The following BCAN variants were observed in gnomAD, a reference collection of about 807,000 sequenced individuals.
BCAN encodes brevican, also known as brevican core protein.
In BCAN, 51 loss-of-function variants were observed where a neutral mutation model predicts 92.4. That is an observed-to-expected ratio of 0.55 (90% confidence interval 0.44 to 0.70). The LOEUF (loss-of-function observed/expected upper bound fraction) is 0.70. Among genes scored for constraint, BCAN ranks in the 30% least tolerant of loss-of-function variants. BCAN has a pLI of 0.00. For missense variants in BCAN, 1,140 were observed against 1,212.1 expected (o/e 0.94, Z 0.88); for synonymous variants, 501 against 505.2 (o/e 0.99, Z 0.11).
rs1248125395 is a variant in BCAN, at chr1:156,658,488, C to G, written c.2438-55C>G. 5.1e-6 allele frequency: 8 copies of G among 1,571,972 alleles called. No homozygotes were observed. In the East Asian group the frequency reaches 1.8e-4, roughly 35 times the overall value. On this transcript the variant is annotated intron_variant, in intron 12 of 13. Coordinates refer to ENST00000329117, the MANE Select transcript of BCAN (RefSeq NM_021948.5). This position sits in a 1 kb window ranked among gnomAD's most constrained non-coding sequence, Gnocchi z 4.4. ...CATTTTTCTCTTCCCCATGGAGATT[C>G]TGGGAACTGTCACCCACAGAGCCAG...
At chr1:156,654,277 C>A (rs1286399949) in intron 8 of BCAN, among the ~76,000 whole-genome samples, 2 of 152,130 alleles carry the variant, frequency 1.3e-5, no homozygotes, top group Non-Finnish European at 2.9e-5. Context: ...AGCCCTAGGA[C>A]CCCCATGTTA....
Position 156,652,272 on chromosome 1 carries a change from C to G in BCAN, c.1322C>G (p.Pro441Arg), listed in dbSNP as rs761391980. 4 of 1,602,158 alleles carry G rather than the reference C, an allele frequency of 2.5e-6. No homozygotes were observed. Among genetic ancestry groups the G allele is most frequent in the Non-Finnish European group, 3.4e-6 (4 of 1,174,690 alleles). The change falls in exon 8 of 14, where the codon CCG (proline) becomes CGG (arginine). Residue 441 changes from proline (P) to arginine (R), a missense_variant. Physicochemically the swap from Pro to Arg is moderately radical, Grantham distance 103. Coordinates refer to ENST00000329117, the MANE Select transcript of BCAN (RefSeq NM_021948.5). ...LLEFETQSMV[P>R]PTGFSEEEGK... ...GAATTTGAAACACAATCCATGGTACCGCCCACGGGGTTCTCAGAAGAGGAA... is the reference window on the plus strand; with the variant it reads ...GAATTTGAAACACAATCCATGGTACGGCCCACGGGGTTCTCAGAAGAGGAA...
chr1:156,647,796 G>T lies in BCAN; in HGVS notation c.641+114G>T. 6.5e-7 allele frequency: 1 copy of T among 1,536,014 alleles called. No individual in the cohort carries two copies. The highest frequency in any genetic ancestry group is 1.1e-5 in the South Asian group (1 of 87,038). ...TGGACATGCAGGGCTTTTTGCCTCT[G>T]GGGGATGAGGCTGGTCTGAGGAGGG... On this transcript the variant is annotated intron_variant, in intron 4 of 13. Coordinates refer to ENST00000329117, the MANE Select transcript of BCAN (RefSeq NM_021948.5). This position sits in a 1 kb window ranked among gnomAD's most constrained non-coding sequence, Gnocchi z 4.8.
Position 156,642,944 on chromosome 1 carries a change from T to C in BCAN, c.-9+669T>C, listed in dbSNP as rs1458327381. On this transcript the variant is annotated intron_variant, in intron 1 of 13. Coordinates refer to ENST00000329117, the MANE Select transcript of BCAN (RefSeq NM_021948.5). The surrounding 1 kb of genome is among the most constrained non-coding windows in gnomAD (Gnocchi z 4.2). ...GGCTCAGGTAGACATCAGTAACTAT[T>C]AGCTGGAATTCGGTTACCACTATTG... 1 of 152,226 alleles carries C rather than the reference T, an allele frequency of 6.6e-6. No homozygotes were observed. The highest frequency in any genetic ancestry group is 2.4e-5 in the African/African-American group (1 of 41,456). The allele number at this position is 152,226 out of a possible 1,614,324, so 9.4% of individuals were successfully genotyped here. A position where few individuals can be genotyped will look rare whatever the true frequency, so the allele number is the denominator to read the frequency against.
rs529769580 is a variant in BCAN, at chr1:156,650,096, G to A, written c.1063+1235G>A. Among the ~76,000 whole-genome samples the A allele has an allele frequency of 3.9e-5, 6 of 152,204 alleles. No homozygotes were observed. The South Asian group carries it at 6.2e-4, about 16-fold the overall frequency. On this transcript the variant is annotated intron_variant, in intron 6 of 13. Coordinates refer to ENST00000329117, the MANE Select transcript of BCAN (RefSeq NM_021948.5). ...GAAGTAAAAGTCCATAGGAAGACAG[G>A]TCCATCTGAAAAGACCTCCTGGAAC...
chr1:156,646,271 T>G lies in BCAN; in HGVS notation c.91+126T>G, dbSNP rs541039117. ...TGGGGAAGCGTCCAGGCTGGAACAC[T>G]TGGAAATAAGGGCTGAGCTGTGAGC... On this transcript the variant is annotated intron_variant, in intron 2 of 13. Transcript: ENST00000329117. 2.6e-5 allele frequency: 23 copies of G among 880,686 alleles called. No individual in the cohort carries two copies. In the African/African-American group the frequency reaches 3.0e-4, roughly 12 times the overall value. The allele number at this position is 880,686 out of a possible 1,614,324, so 54.6% of individuals were successfully genotyped here.
rs1553237991 is a variant in BCAN at position 156,646,959 on chromosome 1, C to G, written c.250C>G (p.Arg84Gly). 1 of 1,612,806 alleles carries G rather than the reference C, an allele frequency of 6.2e-7. No individual in the cohort carries two copies. Among genetic ancestry groups the G allele is most frequent in the Non-Finnish European group, 8.5e-7 (1 of 1,179,584 alleles). The change falls in exon 3 of 14, where the codon CGG becomes GGG. Residue 84 changes from arginine to glycine, a missense_variant. Coordinates refer to ENST00000329117, the MANE Select transcript of BCAN (RefSeq NM_021948.5). ...SPRVKWTFLS[R>G]GREAEVLVAR... ...GCGGGTCAAGTGGACTTTCCTGTCC[C>G]GGGGCCGGGAGGCAGAGGTGCTGGT...
At chr1:156,650,982 C>T (rs1236552874) in intron 6 of BCAN, among the ~76,000 whole-genome samples, 1 of 152,162 alleles carries the variant, frequency 6.6e-6, no homozygotes, top group African/African-American at 2.4e-5. Flanking sequence ...ACACCTCACA[C>T]CTTGCCCCAA....
chr1:156,648,262 A>G, intron 5 of BCAN, 152 bp downstream of exon 5: 2 of 1,204,612 alleles, frequency 1.7e-6, no homozygotes, highest in Non-Finnish European at 2.3e-6. Context: ...CTCTCCAAAC[A>G]CTGTCACAGA....
At position 156,647,742 on chromosome 1, in the gene BCAN, T is replaced by C. The variant is rs77894248; in HGVS notation, c.641+60T>C. Reference sequence around the variant, plus strand: ...CCCCTGAGGTGGCCATGGCCCCCCTTCTGCTGGGTGCTGCCTGCTGTGTCA... The same window carrying C: ...CCCCTGAGGTGGCCATGGCCCCCCTCCTGCTGGGTGCTGCCTGCTGTGTCA... On this transcript the variant is annotated intron_variant, in intron 4 of 13. Coordinates refer to ENST00000329117, the MANE Select transcript of BCAN (RefSeq NM_021948.5). This position sits in a 1 kb window ranked among gnomAD's most constrained non-coding sequence, Gnocchi z 4.8. The C allele has an allele frequency of 6.4e-7, 1 of 1,554,606 alleles. No individual in the cohort carries two copies. The highest frequency in any genetic ancestry group is 8.7e-7 in the Non-Finnish European group (1 of 1,145,460).
At chr1:156,656,782 AC>A in intron 9 of BCAN, 155 bp from the exon 10 acceptor site, 1 of 967,546 alleles carries the variant, frequency 1.0e-6, no homozygotes, top group Non-Finnish European at 1.5e-6. Context: ...GGCTCCTGCT[AC>A]CCCCTCATTC....
chr1:156,646,836 G>T lies in BCAN; in HGVS notation c.127G>T (p.Ala43Ser). The T allele has an allele frequency of 5.1e-6, 8 of 1,583,198 alleles. No homozygotes were observed. Among genetic ancestry groups the T allele is most frequent in the Non-Finnish European group, 6.9e-6 (8 of 1,166,110 alleles). The change falls in exon 3 of 14, where the codon GCG becomes TCG. Residue 43 changes from alanine (A) to serine (S), a missense_variant. Around this residue, in one of 3 missense-constraint regions of BCAN, gnomAD observed 286 missense variants for 284.1 expected, o/e 1.01. Transcript: ENST00000329117. Reference sequence around the variant, plus strand: ...TTTTCGCGTGCGCATCGCGGGCGACGCGCCACTGCAGGGCGTGCTCGGCGG... The same window carrying T: ...TTTTCGCGTGCGCATCGCGGGCGACTCGCCACTGCAGGGCGTGCTCGGCGG... ...RAFRVRIAGDAPLQGVLGGAL... is the reference protein window; with the variant it reads ...RAFRVRIAGDSPLQGVLGGAL...
chr1:156,643,633 C>CAGAGGGAGAGAGAGAGAGAG (rs1179850412), intron 1 of BCAN: 17 of 90,904 alleles, frequency 1.9e-4, no homozygotes, highest in African/African-American at 5.8e-4. Flanking sequence ...CACACACACA[C>CAGAGGGAGAGAGAGAGAGAG]ACAGAGAGAG....
In BCAN at chr1:156,656,343, C is replaced by A; in HGVS notation, c.2004C>A (p.Val668=). 1 of 1,420,270 alleles carries A rather than the reference C, an allele frequency of 7.0e-7. No homozygotes were observed. The highest frequency in any genetic ancestry group is 9.2e-7 in the Non-Finnish European group (1 of 1,091,460). 88.0% of individuals were successfully genotyped at this position (1,420,270 alleles called of 1,614,324 possible). Reference sequence around the variant, plus strand: ...CATGCTTGGAGGAGGAGGAAGGGGTCCGCTGCCTATGTCTGCCTGGCTATG... The same window carrying A: ...CATGCTTGGAGGAGGAGGAAGGGGTACGCTGCCTATGTCTGCCTGGCTATG... The part of the protein sequence containing the change: ...GGTCLEEEEG[V]RCLCLPGYGG... Residue 668 remains valine, a synonymous_variant, in exon 9 of 14, where the codon GTC becomes GTA. Coordinates refer to ENST00000329117, the MANE Select transcript of BCAN (RefSeq NM_021948.5).
chr1:156,657,129 G>T (rs752667860), intron 10 of BCAN, 33 bp downstream of exon 10: 2 of 1,600,270 alleles, frequency 1.2e-6, no homozygotes, highest in Non-Finnish European at 8.5e-7. Flanking sequence ...AGGGGCCCCT[G>T]CCATATGCTC....
chr1:156,656,407 G>C lies in BCAN; in HGVS notation c.2050+18G>C, dbSNP rs1339847946. ...CGATGTTGGTGAGTGTTGAGGGACG[G>C]GGGGCAGGTTTGAAGCCTGGACCCT... On this transcript the variant is annotated intron_variant, in intron 9 of 13. Coordinates refer to ENST00000329117, the MANE Select transcript of BCAN (RefSeq NM_021948.5). 7.4e-7 allele frequency: 1 copy of C among 1,344,104 alleles called. No individual in the cohort carries two copies. The highest frequency in any genetic ancestry group is 1.5e-5 in the African/African-American group (1 of 66,422). 83.3% of individuals were successfully genotyped at this position (1,344,104 alleles called of 1,614,324 possible). A position where few individuals can be genotyped will look rare whatever the true frequency, so the allele number is the denominator to read the frequency against.
At chr1:156,657,168 T>C in intron 10 of BCAN, 72 bp downstream of exon 10, 3 of 1,564,750 alleles carry the variant, frequency 1.9e-6, no homozygotes, top group Non-Finnish European at 2.6e-6. Flanking sequence ...CTAACCGCCT[T>C]CCTCATTAAC....
chr1:156,645,971 T>C (rs1678947444), intron 1 of BCAN, 76 bp from the exon 2 acceptor site: 1 of 1,265,442 alleles, frequency 7.9e-7, no homozygotes, highest in South Asian at 1.4e-5. Flanking sequence ...TGAACCCACA[T>C]GGGTGTGGTA....
intron 10 of BCAN, 50 bp from the exon 11 acceptor site, chr1:156,657,625 G>GGCC: frequency 1.3e-6 from 2 of 1,489,488 alleles, no homozygotes; most frequent in Non-Finnish European, 1.8e-6. Flanking sequence ...AGCGGGGAAC[G>GGCC]GCCGCCATCT....
Sources: gnomAD v4.1 joint callset for allele counts (sites outside exome capture counted in the v4.1 genomes callset) on GRCh38, gnomAD v4.1.1 for gene constraint, gnomAD v4.1.1 regional missense constraint, Gnocchi (gnomAD v3.1) non-coding constraint, MANE v1.5 for transcripts, NCBI Gene and HGNC (gene_info 2026-07-23, HGNC 2026-07-21) for gene names.